The following UBR3 variants were observed in gnomAD, a reference collection of about 807,000 sequenced individuals.
The protein encoded by UBR3 is ubiquitin protein ligase E3 component n-recognin 3.
A neutral mutation model predicts 243.2 loss-of-function variants in UBR3; 85 were observed. The ratio of observed to expected loss-of-function variants is 0.35; its 90% CI spans 0.29 to 0.42. UBR3 has a LOEUF of 0.42. UBR3 is among the 10% of genes least tolerant of loss of function. The pLI is 1.00. For synonymous variants in UBR3, 748 were observed against 799.8 expected (o/e 0.94, Z 1.09); for missense variants, 1,686 against 2,300.8 (o/e 0.73, Z 5.47).
At chr2:170,021,667 C>A (rs73019540) in intron 30 of UBR3, among the ~76,000 whole-genome samples, 6,515 of 152,160 alleles carry the variant, frequency 0.043, 155 homozygotes, top group Middle Eastern at 0.061. Flanking sequence ...CTTTTGACCT[C>A]TTCAGAGATG....
At chr2:169,866,884 G>A (rs1288554224) in intron 1 of UBR3, among the ~76,000 whole-genome samples, 1 of 152,176 alleles carries the variant, frequency 6.6e-6, no homozygotes, top group Non-Finnish European at 1.5e-5. Flanking sequence ...ACAATTGAAA[G>A]ACCTACCTGA....
At chr2:169,845,299 T>C (rs2082427532) in intron 1 of UBR3, among the ~76,000 whole-genome samples, 2 of 151,510 alleles carry the variant, frequency 1.3e-5, no homozygotes, top group African/African-American at 4.8e-5. Context: ...GGCGTGTGCC[T>C]GTAGTCCCAG....
intron 23 of UBR3, among the ~76,000 whole-genome samples, chr2:169,956,670 T>C (rs1295559258): frequency 1.3e-5 from 2 of 152,172 alleles, no homozygotes; most frequent in Non-Finnish European, 2.9e-5. Flanking sequence ...GGCAAAAATA[T>C]GTAACTTCTC....
At chr2:169,917,412 AT>A (rs1359470187) in intron 11 of UBR3, among the ~76,000 whole-genome samples, 2 of 152,322 alleles carry the variant, frequency 1.3e-5, no homozygotes, top group Admixed American at 1.3e-4. Flanking sequence ...TTCAGGAATT[AT>A]TGTTGAAATA....
At chr2:169,898,514 C>T (rs1171970553) in intron 8 of UBR3, among the ~76,000 whole-genome samples, 1 of 134,944 alleles carries the variant, frequency 7.4e-6, no homozygotes, top group Admixed American at 7.8e-5. Flanking sequence ...GAGTTGAAGT[C>T]AATGATCTGT....
At chr2:169,866,586 C>T (rs766443312) in intron 1 of UBR3, among the ~76,000 whole-genome samples, 10 of 152,160 alleles carry the variant, frequency 6.6e-5, no homozygotes, top group Non-Finnish European at 1.0e-4. Flanking sequence ...TGGTCTTGAA[C>T]TCCTGATCTC....
chr2:169,964,890 G>T (rs755219996), intron 24 of UBR3: 4 of 456,902 alleles, frequency 8.8e-6, no homozygotes, highest in South Asian at 6.2e-5. Context: ...GCAAACAGAG[G>T]CAGTTCACAG....
intron 5 of UBR3, among the ~76,000 whole-genome samples, chr2:169,880,343 A>T (rs2105315778): frequency 6.6e-6 from 1 of 152,358 alleles, no homozygotes; most frequent in Non-Finnish European, 1.5e-5. Context: ...TTATTTTAGC[A>T]TGCCTAGCAT....
intron 5 of UBR3, among the ~76,000 whole-genome samples, chr2:169,880,933 A>G (rs2083797518): frequency 6.6e-6 from 1 of 152,080 alleles, no homozygotes; most frequent in African/African-American, 2.4e-5. Context: ...CATTTCTCTT[A>G]GATTCTGTTT....
At chr2:170,016,890 GA>G in intron 30 of UBR3, 7 of 841,920 alleles carry the variant, frequency 8.3e-6, no homozygotes, top group Non-Finnish European at 1.1e-5. Flanking sequence ...TGCCAATATA[GA>G]AAAAGTCATG....
chr2:169,890,156 G>A (rs2084270390), intron 5 of UBR3, among the ~76,000 whole-genome samples: 1 of 152,114 alleles, frequency 6.6e-6, no homozygotes, highest in African/African-American at 2.4e-5. Context: ...TGCAAAGACA[G>A]CAGGAACCTT....
chr2:170,070,144 T>G (rs1445366370), intron 35 of UBR3, among the ~76,000 whole-genome samples: 1 of 152,158 alleles, frequency 6.6e-6, no homozygotes, highest in African/African-American at 2.4e-5. Flanking sequence ...AATGCTGCAT[T>G]GAACATGGGC....
chr2:169,829,813 G>A (rs112679444), intron 1 of UBR3, among the ~76,000 whole-genome samples: 6,328 of 120,984 alleles, frequency 0.052, 154 homozygotes, highest in Middle Eastern at 0.071. Flanking sequence ...TAGCTAAAAA[G>A]TACACACACA....
At chr2:169,928,671 A>C (rs1014584411) in intron 17 of UBR3, 56 bp from the exon 18 acceptor site, 3 of 1,347,756 alleles carry the variant, frequency 2.2e-6, no homozygotes, top group Admixed American at 2.5e-5. Context: ...GTACCTTGGA[A>C]AGGCTATAAA....
chr2:169,975,759 G>A (rs528960717), intron 24 of UBR3, among the ~76,000 whole-genome samples: 60 of 152,150 alleles, frequency 3.9e-4, no homozygotes, highest in Middle Eastern at 6.8e-3. Context: ...ACTGCAGTAT[G>A]CTATGATTGT....
intron 19 of UBR3, among the ~76,000 whole-genome samples, chr2:169,937,734 A>G (rs2086399671): frequency 6.6e-6 from 1 of 152,220 alleles, no homozygotes; most frequent in Non-Finnish European, 1.5e-5. Context: ...ATGTCTGACA[A>G]TGTTGACTGC....
chr2:169,949,611 G>T lies in UBR3; in HGVS notation c.3091G>T (p.Gly1031Cys). 1 of 1,533,736 alleles carries T rather than the reference G, an allele frequency of 6.5e-7. No homozygotes were observed. The highest frequency in any genetic ancestry group is 8.8e-7 in the Non-Finnish European group (1 of 1,140,356). ...SDNLGSLQNSGTAQVFSLVAE... is the reference protein window; with the variant it reads ...SDNLGSLQNSCTAQVFSLVAE... Reference sequence around the variant, plus strand: ...TTCTCTTTGTTAATGGTAGAATTCTGGTACAGCTCAAGTTTTCAGTTTAGT... The same window carrying T: ...TTCTCTTTGTTAATGGTAGAATTCTTGTACAGCTCAAGTTTTCAGTTTAGT... The change falls in exon 23 of 39, where the codon GGT becomes TGT. Residue 1031 changes from glycine (G) to cysteine (C), a missense_variant. Coordinates refer to ENST00000272793, the MANE Select transcript of UBR3 (RefSeq NM_172070.4).
At chr2:170,076,920 A>G (rs2091822377) in intron 36 of UBR3, among the ~76,000 whole-genome samples, 1 of 152,178 alleles carries the variant, frequency 6.6e-6, no homozygotes, top group Non-Finnish European at 1.5e-5. Flanking sequence ...TTGTATGGCA[A>G]TATTTTTATT....
chr2:170,012,830 G>A (rs1214308503), intron 29 of UBR3, among the ~76,000 whole-genome samples: 1 of 152,102 alleles, frequency 6.6e-6, no homozygotes, highest in Non-Finnish European at 1.5e-5. Flanking sequence ...GTGTACACAC[G>A]TTTGCTTTTC....
Sources: allele counts gnomAD v4.1 joint callset (sites outside exome capture counted in the v4.1 genomes callset), GRCh38; gene constraint gnomAD v4.1.1; transcripts MANE v1.5; gene names NCBI Gene and HGNC (gene_info 2026-07-23, HGNC 2026-07-21).